Variants in C5 observed in about 807,000 individuals in gnomAD.
C5 encodes the protein C3 and PZP-like alpha-2-macroglobulin domain-containing protein 4.
C5 carries 140 observed loss-of-function variants against 218.8 expected under a neutral mutation model. That is an observed-to-expected ratio of 0.64 (90% CI 0.56 to 0.74). The LOEUF (loss-of-function observed/expected upper bound fraction) is 0.74, where lower values mean the gene tolerates loss of function less well. C5 is among the 30% of genes least tolerant of loss of function. C5 has a pLI of 0.00. For synonymous variants in C5, 614 were observed against 682.3 expected, an observed-to-expected ratio of 0.90 and a Z score of 1.56; for missense variants, 1,700 against 1,969.6, an observed-to-expected ratio of 0.86 and a Z score of 2.59.
chr9:120,995,756 CA>C (rs1358233527), intron 22 of C5, among the ~76,000 whole-genome samples: 1 of 150,912 alleles, frequency 6.6e-6, no homozygotes, highest in Non-Finnish European at 1.5e-5. Context: ...GTGTCTCAGT[CA>C]TTCAGATTAT....
intron 7 of C5, 94 bp from the exon 8 acceptor site, chr9:121,027,368 G>A: frequency 1.4e-6 from 1 of 732,162 alleles, no homozygotes; most frequent in Non-Finnish European, 2.4e-6. Flanking sequence ...TAAAGCACTT[G>A]AGGCACTTTA....
rs560785560 is a variant in C5, at chr9:121,030,775, T to C, written c.668-288A>G. On this transcript the variant is annotated intron_variant, in intron 6 of 40. Coordinates refer to ENST00000223642, the MANE Select transcript of C5 (RefSeq NM_001735.3). ...TTCTTCCATTAGAGTATAGGTTCCT[T>C]GAAAACAAAAAAACTTTTCAATTGT... Among the ~76,000 whole-genome samples the C allele has an allele frequency of 2.0e-5, 3 of 152,338 alleles. No homozygotes were observed. In the South Asian group the frequency reaches 6.2e-4, roughly 32 times the overall value.
rs1410985437 is a variant in C5 at position 121,021,530 on chromosome 9, T to C, written c.1281A>G (p.Gly427=). 1.2e-6 allele frequency: 2 copies of C among 1,613,654 alleles called. No homozygotes were observed. Among genetic ancestry groups the C allele is most frequent in the Admixed American group, 3.3e-5 (2 of 60,002 alleles). Residue 427 remains glycine (G), a synonymous_variant, in exon 11 of 41, where the codon GGA becomes GGG. Coordinates refer to ENST00000223642, the MANE Select transcript of C5 (RefSeq NM_001735.3). ...TCACATTAAACTCCAGCACCGTCAC[T>C]CCAGATGGGAGATTAAGCACAAAGG... is the stretch of plus-strand genomic sequence containing the variant. ...VASFVLNLPS[G]VTVLEFNVKT...
chr9:121,044,076 G>A (rs1011935034), intron 2 of C5, among the ~76,000 whole-genome samples: 1 of 152,152 alleles, frequency 6.6e-6, no homozygotes, highest in Non-Finnish European at 1.5e-5. Context: ...TTAGCTATGC[G>A]AAATTATTGT....
chr9:121,001,345 T>C (rs762630806), intron 20 of C5, among the ~76,000 whole-genome samples: 37 of 152,254 alleles, frequency 2.4e-4, no homozygotes, highest in Non-Finnish European at 4.4e-4. Context: ...ATTAAAGTAG[T>C]ATATAGGATA....
chr9:120,974,778 C>T lies in C5; in HGVS notation c.4017+1G>A. On this transcript the variant is annotated splice_donor_variant, in intron 30 of 40. Coordinates refer to ENST00000223642, the MANE Select transcript of C5 (RefSeq NM_001735.3). LOFTEE classifies it high-confidence loss of function. ...AATACTACAGAAAGTTCTTCATTTA[C>T]CTCTACTGGCCTCCCAAGGAAATTC... 1 of 1,612,742 alleles carries T rather than the reference C, an allele frequency of 6.2e-7. No individual in the cohort carries two copies.
intron 27 of C5, among the ~76,000 whole-genome samples, 199 bp downstream of exon 27, chr9:120,981,645 G>A (rs758545147): frequency 6.6e-6 from 1 of 152,200 alleles, no homozygotes; most frequent in Admixed American, 6.5e-5. Context: ...CTCAACTGCC[G>A]ATGAGTAGGT....
intron 23 of C5, among the ~76,000 whole-genome samples, chr9:120,990,174 C>G (rs2047066788): frequency 6.6e-6 from 1 of 152,176 alleles, no homozygotes. Context: ...CACTGTGCAA[C>G]CTTGGACATG....
At chr9:121,003,985 C>G (rs1046439180) in intron 20 of C5, among the ~76,000 whole-genome samples, 1 of 152,120 alleles carries the variant, frequency 6.6e-6, no homozygotes, top group Non-Finnish European at 1.5e-5. Flanking sequence ...TCTCCGGCCT[C>G]TGTCTCCCGA....
chr9:121,047,534 T>C (rs1426023182), intron 1 of C5, among the ~76,000 whole-genome samples: 2 of 152,176 alleles, frequency 1.3e-5, no homozygotes, highest in South Asian at 2.1e-4. Context: ...CAAAAGGGCA[T>C]AGTGATCGAC....
the C5 span, among the ~76,000 whole-genome samples, chr9:121,056,110 T>C: frequency 6.6e-6 from 1 of 152,212 alleles, no homozygotes; most frequent in Non-Finnish European, 1.5e-5. Context: ...CCCCTTTGAA[T>C]TCTTGGAAAA....
chr9:121,041,854 C>T (rs79444371), intron 3 of C5, among the ~76,000 whole-genome samples: 3,890 of 152,234 alleles, frequency 0.026, 167 homozygotes, highest in African/African-American at 0.089. Context: ...AAAAAAGATG[C>T]TATTATTCTG....
chr9:121,068,253 A>G, the C5 span, among the ~76,000 whole-genome samples: 1 of 152,204 alleles, frequency 6.6e-6, no homozygotes, highest in African/African-American at 2.4e-5. Context: ...CCACAAAAAT[A>G]TATTAGAAAC....
In C5 at chr9:120,997,753, C is replaced by G. The variant is rs773118109; in HGVS notation, c.2584G>C (p.Val862Leu). Residue 862 changes from valine (V) to leucine (L), a missense_variant, in exon 21 of 41, where the codon GTG becomes CTG. Val to Leu is a conservative substitution (Grantham distance 32). Coordinates refer to ENST00000223642, the MANE Select transcript of C5 (RefSeq NM_001735.3). Reference sequence around the variant, plus strand: ...CTTTCCGAAGTGCAGATTCCCTCCACAGCAGACATTTTAACACAGAACTGA... The same window carrying G: ...CTTTCCGAAGTGCAGATTCCCTCCAGAGCAGACATTTTAACACAGAACTGA... ...GMQFCVKMSA[V>L]EGICTSESPV... 6 of 1,613,740 alleles carry G rather than the reference C, an allele frequency of 3.7e-6. No individual in the cohort carries two copies. Among genetic ancestry groups the G allele is most frequent in the Non-Finnish European group, 5.1e-6 (6 of 1,179,936 alleles).
chr9:121,030,027 G>A (rs968343537), intron 7 of C5, among the ~76,000 whole-genome samples: 8 of 152,060 alleles, frequency 5.3e-5, no homozygotes, highest in African/African-American at 1.9e-4. Flanking sequence ...CAAGGCACTG[G>A]GTTTTGAAGT....
intron 13 of C5, 32 bp downstream of exon 13, chr9:121,017,611 A>G (rs2047319104): frequency 6.2e-7 from 1 of 1,604,956 alleles, no homozygotes. Context: ...TTGAAAAGAA[A>G]ATTCAATTGT....
chr9:120,995,297 T>C (rs1403929907), intron 22 of C5, among the ~76,000 whole-genome samples: 1 of 152,158 alleles, frequency 6.6e-6, no homozygotes, highest in African/African-American at 2.4e-5. Context: ...AAACAAAAAT[T>C]ATTGATACAA....
At chr9:121,024,145 A>C (rs1331210877) in intron 9 of C5, among the ~76,000 whole-genome samples, 1 of 136,320 alleles carries the variant, frequency 7.3e-6, no homozygotes, top group East Asian at 2.2e-4. Flanking sequence ...GCTTGAACCC[A>C]GGAGGCGGAG....
At chr9:121,035,851 C>T (rs1031203966) in intron 4 of C5, among the ~76,000 whole-genome samples, 28 of 151,956 alleles carry the variant, frequency 1.8e-4, no homozygotes, top group African/African-American at 6.8e-4. Flanking sequence ...GCTGGGATTA[C>T]AATTACAGGC....
Sources: gnomAD v4.1 joint callset for allele counts (sites outside exome capture counted in the v4.1 genomes callset) on GRCh38, gnomAD v4.1.1 for gene constraint, MANE v1.5 for transcripts, NCBI Gene and HGNC (gene_info 2026-07-23, HGNC 2026-07-21) for gene names.